Variants in GABRG3 observed in about 807,000 individuals in gnomAD.
GABRG3 encodes gamma-aminobutyric acid type A receptor subunit gamma3.
GABRG3 carries 25 observed loss-of-function variants against 48.8 expected under a neutral mutation model. The observed-to-expected ratio is 0.51, with a 90% CI of 0.37 to 0.72. The LOEUF is 0.72. Among genes scored for constraint, GABRG3 ranks in the 30% least tolerant of loss-of-function variants. The probability of loss-of-function intolerance (pLI) is 0.00; values close to 1 mark genes in which losing one functional copy is unlikely to be tolerated. For missense variants in GABRG3, 394 were observed against 577.9 expected, an observed-to-expected ratio of 0.68 and a Z score of 3.26; for synonymous variants, 227 against 217.6, an observed-to-expected ratio of 1.04 and a Z score of -0.38.
chr15:27,129,701 A>C (rs1330494431), intron 3 of GABRG3, among the ~76,000 whole-genome samples: 1 of 148,410 alleles, frequency 6.7e-6, no homozygotes, highest in Non-Finnish European at 1.5e-5. Context: ...AACACTTGTT[A>C]GTTTCTGTTT....
Position 27,307,038 on chromosome 15 carries a change from A to ACATGTTTATATATAAACATGT in GABRG3, c.271-19771_271-19770insCATGTTTATATATAAACATGT, listed in dbSNP as rs1566769941. 2.1e-3 allele frequency among the ~76,000 whole-genome samples: 175 copies of ACATGTTTATATATAAACATGT among 84,152 alleles called. 3 individuals are homozygous for ACATGTTTATATATAAACATGT. The highest frequency in any genetic ancestry group is 3.0e-3 in the Non-Finnish European group (131 of 43,712). 55.2% of individuals were successfully genotyped at this position (84,152 alleles called of 152,430 possible). On this transcript the variant is annotated intron_variant, in intron 3 of 9. Coordinates refer to ENST00000615808, the MANE Select transcript of GABRG3 (RefSeq NM_033223.5). ...CATGTTTATATATAAACATGTATAA[A>ACATGTTTATATATAAACATGT]ATAAACATGTTTATATATAAACATG...
chr15:27,434,464 A>G (rs113842725), intron 5 of GABRG3, among the ~76,000 whole-genome samples: 6,811 of 152,266 alleles, frequency 0.045, 178 homozygotes, highest in Middle Eastern at 0.11. Context: ...TGTAGTGAAC[A>G]GTGAATGATT....
chr15:27,252,223 A>G (rs554621511), intron 3 of GABRG3, among the ~76,000 whole-genome samples: 1 of 152,252 alleles, frequency 6.6e-6, no homozygotes, highest in East Asian at 1.9e-4. Flanking sequence ...CCTCCTCACC[A>G]GCCCTCCTTC....
intron 5 of GABRG3, among the ~76,000 whole-genome samples, chr15:27,417,864 G>A (rs942781738): frequency 2.0e-5 from 3 of 152,236 alleles, no homozygotes; most frequent in African/African-American, 4.8e-5. Flanking sequence ...ATGGGCTAAA[G>A]CCATCTCTCC....
intron 5 of GABRG3, among the ~76,000 whole-genome samples, chr15:27,463,874 C>G (rs184623108): frequency 1.3e-4 from 20 of 152,308 alleles, no homozygotes; most frequent in Admixed American, 1.2e-3. Context: ...TCGCTCTTCT[C>G]TCAGGGAGTG....
chr15:27,509,798 C>A (rs1035620826), intron 6 of GABRG3, among the ~76,000 whole-genome samples: 3 of 152,186 alleles, frequency 2.0e-5, no homozygotes, highest in African/African-American at 7.2e-5. Flanking sequence ...TCCATTAGAG[C>A]CATTAACATA....
At chr15:27,066,070 G>T (rs540253597) in intron 3 of GABRG3, among the ~76,000 whole-genome samples, 1 of 152,184 alleles carries the variant, frequency 6.6e-6, no homozygotes, top group Non-Finnish European at 1.5e-5. Flanking sequence ...ATAAATCAGC[G>T]AAAGTGACAT....
chr15:27,048,661 A>C (rs749191710), intron 3 of GABRG3, among the ~76,000 whole-genome samples: 1 of 152,192 alleles, frequency 6.6e-6, no homozygotes, highest in Non-Finnish European at 1.5e-5. Flanking sequence ...GTGGGCAGGC[A>C]TTGTCAATTT....
chr15:27,480,584 T>C, intron 5 of GABRG3, 66 bp from the exon 6 acceptor site: 1 of 1,382,710 alleles, frequency 7.2e-7, no homozygotes, highest in Non-Finnish European at 9.9e-7. Flanking sequence ...ATCAGAATTA[T>C]AATTTTCACT....
intron 5 of GABRG3, among the ~76,000 whole-genome samples, chr15:27,344,753 G>T (rs2140530978): frequency 6.6e-6 from 1 of 152,060 alleles, no homozygotes; most frequent in African/African-American, 2.4e-5. Flanking sequence ...TCTGCCATTT[G>T]GTAGCTGAGT....
At chr15:27,327,094 G>A (rs936303254) in intron 4 of GABRG3, 65 bp downstream of exon 4, 20 of 1,337,424 alleles carry the variant, frequency 1.5e-5, no homozygotes, top group Non-Finnish European at 2.0e-5. Flanking sequence ...TTGAATCACT[G>A]TAGGAATGAG....
intron 3 of GABRG3, among the ~76,000 whole-genome samples, chr15:27,082,139 G>A: frequency 6.6e-6 from 1 of 152,156 alleles, no homozygotes; most frequent in East Asian, 1.9e-4. Flanking sequence ...TTCAGACATG[G>A]CCCTGACCCT....
intron 3 of GABRG3, among the ~76,000 whole-genome samples, chr15:27,238,371 A>G (rs1417028195): frequency 1.3e-5 from 2 of 152,230 alleles, no homozygotes; most frequent in Non-Finnish European, 2.9e-5. Context: ...CCCAGCATCC[A>G]CGGCTGCCTT....
At chr15:27,212,063 G>T (rs925231722) in intron 3 of GABRG3, among the ~76,000 whole-genome samples, 1 of 152,188 alleles carries the variant, frequency 6.6e-6, no homozygotes, top group African/African-American at 2.4e-5. Flanking sequence ...AGAGGCTATG[G>T]TGGCTAGACC....
At position 27,026,801 on chromosome 15, in the gene GABRG3, C is replaced by G; in HGVS notation, c.250C>G (p.Pro84Ala). Reference sequence around the variant, plus strand: ...TGACATTTATGTTAACAGCATTGGTCCTGTGTCATCAATAAACATGGTAAG... The same window carrying G: ...TGACATTTATGTTAACAGCATTGGTGCTGTGTCATCAATAAACATGGTAAG... Reference protein sequence around the residue: ...DVDIYVNSIGPVSSINMEYQI... With the variant: ...DVDIYVNSIGAVSSINMEYQI... Residue 84 changes from proline to alanine, a missense_variant, in exon 3 of 10, where the codon CCT becomes GCT. Physicochemically the swap from Pro to Ala is conservative, Grantham distance 27. Coordinates refer to ENST00000615808, the MANE Select transcript of GABRG3 (RefSeq NM_033223.5). 1 of 1,609,350 alleles carries G rather than the reference C, an allele frequency of 6.2e-7. No homozygotes were observed. Among genetic ancestry groups the G allele is most frequent in the Non-Finnish European group, 8.5e-7 (1 of 1,178,438 alleles).
chr15:27,353,037 A>G (rs1894680467), intron 5 of GABRG3, among the ~76,000 whole-genome samples: 1 of 151,950 alleles, frequency 6.6e-6, no homozygotes, highest in Non-Finnish European at 1.5e-5. Context: ...TTCCCTTTTT[A>G]TTACACAAAA....
chr15:27,277,513 T>A (rs144653629), intron 3 of GABRG3, among the ~76,000 whole-genome samples: 1 of 152,212 alleles, frequency 6.6e-6, no homozygotes, highest in African/African-American at 2.4e-5. Context: ...CTGGAGGAGA[T>A]TGATAGCCAT....
intron 3 of GABRG3, among the ~76,000 whole-genome samples, chr15:27,192,164 C>A (rs1022121294): frequency 1.3e-5 from 2 of 151,368 alleles, no homozygotes. Flanking sequence ...AACATTTTTT[C>A]CTTCATTTCA....
chr15:27,188,489 A>T (rs931709083), intron 3 of GABRG3, among the ~76,000 whole-genome samples: 6 of 151,956 alleles, frequency 3.9e-5, no homozygotes, highest in African/African-American at 1.2e-4. Flanking sequence ...GATGATGAGC[A>T]TTTTTTCATG....
Sources: gnomAD v4.1 joint callset for allele counts (sites outside exome capture counted in the v4.1 genomes callset) on GRCh38, gnomAD v4.1.1 for gene constraint, MANE v1.5 for transcripts, NCBI Gene and HGNC (gene_info 2026-07-23, HGNC 2026-07-21) for gene names.